Variants in RGL1 observed in about 807,000 individuals in gnomAD.
RGL1 encodes ral guanine nucleotide dissociation stimulator like 1.
In RGL1, 24 loss-of-function variants were observed where a neutral mutation model predicts 95.2. The observed-to-expected ratio is 0.25, with a 90% confidence interval of 0.18 to 0.35. RGL1 has a LOEUF of 0.35. RGL1 is among the 10% of genes least tolerant of loss of function. The pLI, the probability that RGL1 is intolerant of heterozygous loss-of-function variation, is 1.00. For synonymous variants in RGL1, 329 were observed against 344.9 expected (o/e 0.95, Z 0.51); for missense variants, 715 against 936.3 (o/e 0.76, Z 3.08).
chr1:183,880,537 G>A, intron 4 of RGL1, 79 bp from the exon 5 acceptor site: 1 of 1,364,942 alleles, frequency 7.3e-7, no homozygotes, highest in Non-Finnish European at 1.0e-6. Context: ...GTGCCCCTGG[G>A]GTCCACCCTG....
chr1:183,772,742 GC>G (rs2102333924), intron 2 of RGL1, among the ~76,000 whole-genome samples: 1 of 152,136 alleles, frequency 6.6e-6, no homozygotes, highest in African/African-American at 2.4e-5. Flanking sequence ...GGGCGCGGTG[GC>G]TCACGCCTGT....
At chr1:183,684,436 C>T (rs1653430850) in intron 1 of RGL1, among the ~76,000 whole-genome samples, 1 of 152,076 alleles carries the variant, frequency 6.6e-6, no homozygotes, top group East Asian at 1.9e-4. Flanking sequence ...GCTGCCCCTC[C>T]TTCCACCAAG....
intron 3 of RGL1, among the ~76,000 whole-genome samples, chr1:183,857,588 G>C (rs138971874): frequency 2.7e-4 from 41 of 152,256 alleles, no homozygotes; most frequent in Non-Finnish European, 5.3e-4. Flanking sequence ...CACACACTCA[G>C]CTCCAGGAAG....
Position 183,926,272 on chromosome 1 carries a change from C to T in RGL1, c.2287C>T (p.His763Tyr), listed in dbSNP as rs765155956. The T allele has an allele frequency of 1.2e-6, 2 of 1,611,998 alleles. No homozygotes were observed. Among genetic ancestry groups the T allele is most frequent in the South Asian group, 2.2e-5 (2 of 90,720 alleles). The stretch of plus-strand genomic sequence containing the variant: ...TAAACGGGGCTGCTGGAGTAACAGA[C>T]ACAGCAAAATCACCCTCTGAAGGGA... The part of the protein sequence containing the change: ...TAKRGCWSNR[H>Y]SKITL The change falls in exon 18 of 18, where the codon CAC becomes TAC. Residue 763 changes from histidine (H) to tyrosine (Y), a missense_variant. Transcript: ENST00000360851.
At chr1:183,826,131 G>A (rs964154476) in intron 2 of RGL1, among the ~76,000 whole-genome samples, 3 of 150,692 alleles carry the variant, frequency 2.0e-5, no homozygotes, top group East Asian at 2.0e-4. Flanking sequence ...TTGGCTCACC[G>A]CAAGCTCCGC....
intron 2 of RGL1, chr1:183,742,311 CAGTT>C: frequency 6.2e-7 from 1 of 1,613,534 alleles, no homozygotes; most frequent in Non-Finnish European, 8.5e-7. Flanking sequence ...CTAAATGACA[CAGTT>C]GGTGAAATGT....
intron 2 of RGL1, among the ~76,000 whole-genome samples, chr1:183,812,813 G>A (rs973602273): frequency 6.6e-6 from 1 of 152,164 alleles, no homozygotes; most frequent in African/African-American, 2.4e-5. Flanking sequence ...GGGAAGGTGT[G>A]GAGGCCTGAA....
In RGL1 at chr1:183,918,212, G is replaced by A. The variant is rs1004671186; in HGVS notation, c.2004+1511G>A. ...TTGTCTGATAGATGGTCAGAAACATGGGCTGGTGCAAGGCTGGTGCTGAGA... is the reference window on the plus strand; with the variant it reads ...TTGTCTGATAGATGGTCAGAAACATAGGCTGGTGCAAGGCTGGTGCTGAGA... On this transcript the variant is annotated intron_variant, in intron 16 of 17. Transcript: ENST00000360851. Among the ~76,000 whole-genome samples the A allele has an allele frequency of 1.3e-5, 2 of 152,166 alleles. 1 individual carries two copies. The highest frequency in any genetic ancestry group is 4.8e-5 in the African/African-American group (2 of 41,432).
At chr1:183,873,497 T>C (rs1666305879) in intron 4 of RGL1, among the ~76,000 whole-genome samples, 1 of 152,218 alleles carries the variant, frequency 6.6e-6, no homozygotes, top group Non-Finnish European at 1.5e-5. Flanking sequence ...ACAGGTCTGA[T>C]ATTTGAACTC....
intron 1 of RGL1, among the ~76,000 whole-genome samples, chr1:183,690,458 G>C (rs1057451045): frequency 2.0e-5 from 3 of 152,096 alleles, no homozygotes; most frequent in African/African-American, 7.2e-5. Context: ...GGGTAGGGAG[G>C]TGAAGGGAGG....
At chr1:183,786,022 G>A (rs1163224382) in intron 2 of RGL1, among the ~76,000 whole-genome samples, 5 of 152,086 alleles carry the variant, frequency 3.3e-5, no homozygotes, top group East Asian at 1.9e-4. Flanking sequence ...ATGCTGCAGC[G>A]AGCTGTGATT....
chr1:183,742,752 GGA>G (rs142649027), intron 2 of RGL1, among the ~76,000 whole-genome samples: 107 of 150,118 alleles, frequency 7.1e-4, no homozygotes, highest in African/African-American at 1.8e-3. Context: ...GAGGGGACGG[GGA>G]GAGAGAGAGA....
chr1:183,711,457 T>A (rs1655260872), intron 1 of RGL1, among the ~76,000 whole-genome samples: 1 of 152,036 alleles, frequency 6.6e-6, no homozygotes, highest in Admixed American at 6.6e-5. Flanking sequence ...AATGAGTATG[T>A]AGGAGGTGTT....
intron 4 of RGL1, among the ~76,000 whole-genome samples, chr1:183,876,599 A>G (rs144839028): frequency 2.0e-4 from 31 of 152,388 alleles, no homozygotes; most frequent in African/African-American, 6.0e-4. Context: ...GTTTGGCTTC[A>G]GGAATTACTT....
rs149967655 is a variant in RGL1, at chr1:183,693,058, A to G, written c.-32-49068A>G. Among the ~76,000 whole-genome samples, 768 of 151,862 alleles carry G rather than the reference A, an allele frequency of 5.1e-3. 8 individuals carry two copies. Among genetic ancestry groups the G allele is most frequent in the African/African-American group, 0.018 (743 of 41,358 alleles). On this transcript the variant is annotated intron_variant, in intron 1 of 18. Transcript: ENST00000304685. Reference sequence around the variant, plus strand: ...CAACCTCTGCCTCCGAGGTTCAAGCAATTCTTCTGCCCCAGCCTACTGAGT... The same window carrying G: ...CAACCTCTGCCTCCGAGGTTCAAGCGATTCTTCTGCCCCAGCCTACTGAGT...
chr1:183,668,541 A>T (rs1652200287), intron 1 of RGL1, among the ~76,000 whole-genome samples: 1 of 152,102 alleles, frequency 6.6e-6, no homozygotes, highest in Non-Finnish European at 1.5e-5. Flanking sequence ...GGCCTCAAGC[A>T]ATTCTACCAC....
intron 3 of RGL1, among the ~76,000 whole-genome samples, chr1:183,852,218 T>C (rs1335019778): frequency 6.6e-6 from 1 of 152,232 alleles, no homozygotes; most frequent in Non-Finnish European, 1.5e-5. Context: ...ATGGAACTAT[T>C]TGCTTTCTGG....
At chr1:183,860,214 T>C (rs1057384206) in intron 3 of RGL1, among the ~76,000 whole-genome samples, 7 of 152,210 alleles carry the variant, frequency 4.6e-5, no homozygotes, top group Non-Finnish European at 8.8e-5. Context: ...GTTCTTTCAC[T>C]ATCCCCAATA....
intron 3 of RGL1, among the ~76,000 whole-genome samples, chr1:183,852,232 T>A (rs189035985): frequency 6.6e-6 from 1 of 152,350 alleles, no homozygotes; most frequent in East Asian, 1.9e-4. Flanking sequence ...TTTCTGGGAT[T>A]TATTTTTTAT....
Sources: allele counts gnomAD v4.1 joint callset (sites outside exome capture counted in the v4.1 genomes callset), GRCh38; gene constraint gnomAD v4.1.1; transcripts MANE v1.5; gene names NCBI Gene and HGNC (gene_info 2026-07-23, HGNC 2026-07-21).